Variants in POLE observed in about 807,000 individuals in gnomAD.
POLE encodes DNA polymerase epsilon catalytic subunit A.
In POLE, 188 loss-of-function variants were observed where a neutral mutation model predicts 279.2. The observed-to-expected ratio is 0.67, with a 90% confidence interval of 0.60 to 0.76. The LOEUF is 0.76. POLE is among the 30% of genes least tolerant of loss of function. The pLI, the probability that POLE is intolerant of heterozygous loss-of-function variation, is 0.00. For missense variants in POLE, 2,703 were observed against 3,016.7 expected (o/e 0.90, Z 2.44); for synonymous variants, 1,214 against 1,172.5 (o/e 1.04, Z -0.72).
chr12:132,662,681 A>G (rs1259722879), intron 23 of POLE, among the ~76,000 whole-genome samples: 1 of 152,196 alleles, frequency 6.6e-6, no homozygotes, highest in Non-Finnish European at 1.5e-5. Flanking sequence ...GAGCAGGGAA[A>G]ATACAAGATG....
intron 20 of POLE, among the ~76,000 whole-genome samples, chr12:132,666,948 A>G (rs1207215675): frequency 6.6e-6 from 1 of 152,220 alleles, no homozygotes; most frequent in Non-Finnish European, 1.5e-5. Flanking sequence ...GCCGCACAGC[A>G]GGGGCCGTGC....
chr12:132,626,294 GATGTT>G lies in POLE; in HGVS notation c.6349_6353del (p.Asn2117HisfsTer6). 6.2e-7 allele frequency: 1 copy of G among 1,613,786 alleles called. No individual in the cohort carries two copies. The highest frequency in any genetic ancestry group is 8.5e-7 in the Non-Finnish European group (1 of 1,180,056). ...GGTTCAGCTTATTCACCTGGTTTGTGATGTTGGTGTCCAGGGACAGCACCTGCAGA... is the reference window on the plus strand; with the variant it reads ...GGTTCAGCTTATTCACCTGGTTTGTGGGTGTCCAGGGACAGCACCTGCAGA... On this transcript the variant is annotated frameshift_variant, in exon 46 of 49. Coordinates refer to ENST00000320574, the MANE Select transcript of POLE (RefSeq NM_006231.4). LOFTEE classifies it high-confidence loss of function.
intron 47 of POLE, chr12:132,625,330 C>A (rs1333865096): frequency 1.4e-6 from 1 of 726,382 alleles, no homozygotes; most frequent in Non-Finnish European, 2.5e-6. Context: ...GCTCAGATGC[C>A]CCTCGGCAAG....
rs1279124308 is a variant in POLE at position 132,624,914 on chromosome 12, G to C, written c.6738C>G (p.Ile2246Met). Residue 2246 changes from isoleucine (I) to methionine (M), a missense_variant, in exon 48 of 49, where the codon ATC (isoleucine) becomes ATG (methionine). Transcript: ENST00000320574. Reference sequence around the variant, plus strand: ...ATGAGGGAGAGCCCACCTGGGTGTGGATGGTGAGGGCGAAGTCTCCCGCGC... The same window carrying C: ...ATGAGGGAGAGCCCACCTGGGTGTGCATGGTGAGGGCGAAGTCTCCCGCGC... ...CSCAGDFALTIHTQVFMEQIG... is the reference protein window; with the variant it reads ...CSCAGDFALTMHTQVFMEQIG... 1 of 1,613,696 alleles carries C rather than the reference G, an allele frequency of 6.2e-7. No individual in the cohort carries two copies. The highest frequency in any genetic ancestry group is 1.7e-5 in the Admixed American group (1 of 60,014).
At position 132,624,803 on chromosome 12, in the gene POLE, A is replaced by G. The variant is rs369576300; in HGVS notation, c.6755T>C (p.Met2252Thr). Reference protein sequence around the residue: ...FALTIHTQVFMEQIGIFRNIA... With the variant: ...FALTIHTQVFTEQIGIFRNIA... ...GTTCCGGAATATTCCGATCTGTTCCATGAAGACCTGCAGGAATAAACAGGC... is the reference window on the plus strand; with the variant it reads ...GTTCCGGAATATTCCGATCTGTTCCGTGAAGACCTGCAGGAATAAACAGGC... The change falls in exon 49 of 49, where the codon ATG becomes ACG. Residue 2252 changes from methionine to threonine, a missense_variant. This residue lies in a region of POLE where 1,551 missense variants were observed against 1,686.1 expected (regional missense o/e 0.92). Transcript: ENST00000320574. 1 of 1,610,450 alleles carries G rather than the reference A, an allele frequency of 6.2e-7. No individual in the cohort carries two copies. Among genetic ancestry groups the G allele is most frequent in the African/African-American group, 1.3e-5 (1 of 74,868 alleles).
At chr12:132,647,687 G>T (rs12314241) in intron 32 of POLE, among the ~76,000 whole-genome samples, 1,954 of 152,184 alleles carry the variant, frequency 0.013, 48 homozygotes, top group African/African-American at 0.044. Flanking sequence ...CCCTCGAGAT[G>T]AGCTGATAGT....
Position 132,658,155 on chromosome 12 carries a change from C to CGTGT in POLE, c.3276-186_3276-185insACAC, listed in dbSNP as rs10649524. 0.49 allele frequency: 267,974 copies of CGTGT among 548,032 alleles called. 68,930 individuals are homozygous for CGTGT. Among genetic ancestry groups the CGTGT allele is most frequent in the African/African-American group, 0.7 (36,970 of 52,598 alleles). 33.9% of individuals were successfully genotyped at this position (548,032 alleles called of 1,614,324 possible). On this transcript the variant is annotated intron_variant, in intron 26 of 48. Transcript: ENST00000320574. ...CAGGTTCCTCGGGGAGTAACACGTGCGTATGTGTAAACACGTGCGTGTGTG... is the reference window on the plus strand; with the variant it reads ...CAGGTTCCTCGGGGAGTAACACGTGCGTGTGTATGTGTAAACACGTGCGTGTGTG...
intron 32 of POLE, among the ~76,000 whole-genome samples, chr12:132,646,827 T>A (rs1303279520): frequency 1.3e-5 from 2 of 151,936 alleles, no homozygotes; most frequent in African/African-American, 4.8e-5. Flanking sequence ...AGAAACTCCA[T>A]CTCAAAACAA....
chr12:132,670,872 T>C (rs2042913036), intron 16 of POLE, among the ~76,000 whole-genome samples: 1 of 152,222 alleles, frequency 6.6e-6, no homozygotes, highest in African/African-American at 2.4e-5. Context: ...TGAAGTATAA[T>C]AATGGATGTG....
At chr12:132,683,373 A>C (rs536599722) in intron 1 of POLE, among the ~76,000 whole-genome samples, 53 of 152,272 alleles carry the variant, frequency 3.5e-4, no homozygotes, top group African/African-American at 8.9e-4. Context: ...GAAGATGAAG[A>C]AGCAGCAAGG....
intron 1 of POLE, among the ~76,000 whole-genome samples, chr12:132,682,983 TAAAA>T (rs2043200122): frequency 6.6e-6 from 1 of 151,472 alleles, no homozygotes. Flanking sequence ...AAGAACAAGA[TAAAA>T]AAAGAAAGGA....
chr12:132,634,339 C>T lies in POLE; in HGVS notation c.5851G>A (p.Glu1951Lys), dbSNP rs768917089. ...CTTTCCTCCTCATCGTCCTCATTTT[C>T]CTGCTCATCCTCTGCTCCCCCTGCT... Reference protein sequence around the residue: ...QKAGGAEDEQENEDDEEERDG... With the variant: ...QKAGGAEDEQKNEDDEEERDG... Residue 1951 changes from glutamate to lysine, a missense_variant, in exon 43 of 49, where the codon GAA becomes AAA. By Grantham distance (56) the Glu-to-Lys change is moderately conservative. Transcript: ENST00000320574. The surrounding 1 kb of genome is among the most constrained non-coding windows in gnomAD (Gnocchi z 4.0). 5 of 1,613,936 alleles carry T rather than the reference C, an allele frequency of 3.1e-6. No homozygotes were observed. Among genetic ancestry groups the T allele is most frequent in the Non-Finnish European group, 4.2e-6 (5 of 1,179,944 alleles).
At chr12:132,638,250 C>A in intron 40 of POLE, 111 bp from the exon 41 acceptor site, 1 of 882,950 alleles carries the variant, frequency 1.1e-6, no homozygotes. Context: ...GCAGAAAAGC[C>A]TCCGAGATAC....
chr12:132,663,941 A>C, intron 23 of POLE, 63 bp downstream of exon 23: 1 of 1,577,692 alleles, frequency 6.3e-7, no homozygotes, highest in Non-Finnish European at 8.7e-7. Context: ...CTGCAGAGCC[A>C]GTGACATCAG....
chr12:132,682,524 A>G (rs959866094), intron 1 of POLE, among the ~76,000 whole-genome samples: 1 of 151,948 alleles, frequency 6.6e-6, no homozygotes, highest in Non-Finnish European at 1.5e-5. Flanking sequence ...AATAAATTAG[A>G]TGGGTCGTCT....
At chr12:132,635,287 G>C (rs943244571) in intron 42 of POLE, among the ~76,000 whole-genome samples, 2 of 152,094 alleles carry the variant, frequency 1.3e-5, no homozygotes, top group African/African-American at 2.4e-5. Context: ...ACACACATCC[G>C]ATCCGCTGGC....
chr12:132,631,344 A>C lies in POLE; in HGVS notation c.6330+971T>G, dbSNP rs546088488. 2.6e-5 allele frequency among the ~76,000 whole-genome samples: 4 copies of C among 152,332 alleles called. No individual in the cohort carries two copies. In the South Asian group the frequency reaches 6.2e-4, roughly 24 times the overall value. On this transcript the variant is annotated intron_variant, in intron 45 of 48. Transcript: ENST00000320574. ...GCGGTGACTATCCTGTATCCTGCTGATGATGATGCAATTCCATTCACCTAG... is the reference window on the plus strand; with the variant it reads ...GCGGTGACTATCCTGTATCCTGCTGCTGATGATGCAATTCCATTCACCTAG...
Position 132,635,914 on chromosome 12 carries a change from G to A in POLE, c.5789C>T (p.Ser1930Leu), listed in dbSNP as rs2042022432. 7 of 1,613,728 alleles carry A rather than the reference G, an allele frequency of 4.3e-6. No individual in the cohort carries two copies. Among genetic ancestry groups the A allele is most frequent in the Non-Finnish European group, 5.9e-6 (7 of 1,179,812 alleles). ...SNYGGIKGKV[S>L]SRIHCGLQDS... ...TACCAGTCCACAGTGAATACGAGATGAAACTTTTCCTTTGATTCCGCCATA... is the reference window on the plus strand; with the variant it reads ...TACCAGTCCACAGTGAATACGAGATAAAACTTTTCCTTTGATTCCGCCATA... The change falls in exon 42 of 49, where the codon TCA (serine) becomes TTA (leucine). Residue 1930 changes from serine (S) to leucine (L), a missense_variant. Physicochemically the swap from Ser to Leu is moderately radical, Grantham distance 145. Around this residue, in one of 5 missense-constraint regions of POLE, gnomAD observed 1,551 missense variants for 1,686.1 expected, o/e 0.92. Transcript: ENST00000320574.
chr12:132,632,081 C>G (rs143114185), intron 45 of POLE, among the ~76,000 whole-genome samples: 2 of 152,186 alleles, frequency 1.3e-5, no homozygotes, highest in African/African-American at 2.4e-5. Context: ...ACCTTGCACA[C>G]GCTGGCACCC....
Sources: allele counts gnomAD v4.1 joint callset (sites outside exome capture counted in the v4.1 genomes callset), GRCh38; gene constraint gnomAD v4.1.1; regional missense constraint gnomAD v4.1.1; non-coding constraint Gnocchi (gnomAD v3.1); transcripts MANE v1.5; gene names NCBI Gene and HGNC (gene_info 2026-07-23, HGNC 2026-07-21).